Variants in CCDC30 observed in about 807,000 individuals in gnomAD.
CCDC30 encodes the protein coiled-coil domain containing 30.
A neutral mutation model predicts 100.2 loss-of-function variants in CCDC30; 70 were observed. That is an observed-to-expected ratio of 0.70 (90% CI 0.58 to 0.85). The LOEUF (loss-of-function observed/expected upper bound fraction) is 0.85. Ranked by LOEUF, CCDC30 falls within the 40% of genes least tolerant of loss-of-function variation. CCDC30 has a pLI of 0.00. For missense variants in CCDC30, 652 were observed against 771.2 expected (o/e 0.85, Z 1.83); for synonymous variants, 233 against 269.5 (o/e 0.86, Z 1.33).
At chr1:42,573,441 AATC>A (rs1645774081) in intron 7 of CCDC30, among the ~76,000 whole-genome samples, 1 of 152,168 alleles carries the variant, frequency 6.6e-6, no homozygotes, top group South Asian at 2.1e-4. Context: ...GAAAATATAT[AATC>A]ATTTTCTAAT....
intron 6 of CCDC30, among the ~76,000 whole-genome samples, chr1:42,511,566 G>A (rs887979090): frequency 5.3e-5 from 8 of 152,242 alleles, no homozygotes; most frequent in East Asian, 1.9e-4. Flanking sequence ...TTTTCCTGCC[G>A]ATGGGACAGT....
chr1:42,457,567 G>C, the CCDC30 span: 2 of 579,614 alleles, frequency 3.5e-6, no homozygotes, highest in South Asian at 4.1e-5. Context: ...CTCTAGTGGA[G>C]GTATGTACAA....
chr1:42,572,408 A>G (rs914000701), intron 7 of CCDC30, among the ~76,000 whole-genome samples: 4 of 152,180 alleles, frequency 2.6e-5, no homozygotes, highest in Non-Finnish European at 5.9e-5. Context: ...TTTTAAATAC[A>G]TGAACCCTTT....
chr1:42,476,891 T>G (rs1483343862), intron 1 of CCDC30, among the ~76,000 whole-genome samples: 11 of 85,646 alleles, frequency 1.3e-4, no homozygotes, highest in Admixed American at 9.3e-4. Context: ...AAGTTTTTTT[T>G]TTTGTTTTTT....
At chr1:42,625,712 G>A (rs557801608) in intron 11 of CCDC30, among the ~76,000 whole-genome samples, 9 of 152,008 alleles carry the variant, frequency 5.9e-5, no homozygotes, top group South Asian at 2.1e-4. Context: ...CAATATGGTC[G>A]GAGAAAATGC....
At chr1:42,569,329 C>T (rs936198226) in intron 7 of CCDC30, among the ~76,000 whole-genome samples, 7 of 152,100 alleles carry the variant, frequency 4.6e-5, no homozygotes, top group Non-Finnish European at 5.9e-5. Flanking sequence ...TATGAACAGA[C>T]GCTTCTCAAA....
chr1:42,456,503 G>C, the CCDC30 span: 15 of 1,423,312 alleles, frequency 1.1e-5, no homozygotes, highest in African/African-American at 1.5e-5. Context: ...ACACCAGGTA[G>C]GCGAGAAGGG....
Position 42,649,619 on chromosome 1 carries a change from G to C in CCDC30, c.1854+3302G>C, listed in dbSNP as rs1323532745. 2.0e-5 allele frequency among the ~76,000 whole-genome samples: 3 copies of C among 152,142 alleles called. 1 individual carries two copies. Among genetic ancestry groups the C allele is most frequent in the East Asian group, 3.8e-4 (2 of 5,202 alleles). On this transcript the variant is annotated intron_variant, in intron 15 of 16. Transcript: ENST00000668663. Reference sequence around the variant, plus strand: ...TGCCAGAGCAATTAGGCAAGAGAAAGAAATAAAAGGCATCCAAATAGGAAA... The same window carrying C: ...TGCCAGAGCAATTAGGCAAGAGAAACAAATAAAAGGCATCCAAATAGGAAA...
chr1:42,579,071 G>A (rs1469320050), intron 8 of CCDC30, among the ~76,000 whole-genome samples: 1 of 151,966 alleles, frequency 6.6e-6, no homozygotes, highest in Non-Finnish European at 1.5e-5. Flanking sequence ...GCTCACTGCA[G>A]CCTCTGCCTC....
At chr1:42,462,214 A>AG (rs936122606), upstream of CCDC30, among the ~76,000 whole-genome samples, 2 of 152,094 alleles carry the variant, frequency 1.3e-5, no homozygotes. Context: ...TAAAAATTCC[A>AG]GGGGGGTGGG....
At chr1:42,576,508 A>G (rs1214784018) in intron 7 of CCDC30, among the ~76,000 whole-genome samples, 1 of 152,240 alleles carries the variant, frequency 6.6e-6, no homozygotes, top group Non-Finnish European at 1.5e-5. Flanking sequence ...TGGCATTTCA[A>G]ATTATAGAAA....
Position 42,596,006 on chromosome 1 carries a change from A to T in CCDC30, c.1164+6523A>T, listed in dbSNP as rs1395374879. Among the ~76,000 whole-genome samples the T allele has an allele frequency of 6.6e-6, 1 of 152,220 alleles. No homozygotes were observed. The highest frequency in any genetic ancestry group is 2.4e-5 in the African/African-American group (1 of 41,464). ...TTGGAAGTTGTCACTGTGTCCTGAC[A>T]ACAAGTGAAATGCCAAACAAACTGA... On this transcript the variant is annotated intron_variant, in intron 10 of 16. Transcript: ENST00000668663. The surrounding 1 kb of genome is among the most constrained non-coding windows in gnomAD (Gnocchi z 4.3).
intron 6 of CCDC30, among the ~76,000 whole-genome samples, chr1:42,549,686 AAAATATTTGAGT>A (rs1226374131): frequency 6.6e-6 from 1 of 152,164 alleles, no homozygotes; most frequent in African/African-American, 2.4e-5. Flanking sequence ...AGGTACTCAC[AAAATATTTGAGT>A]AAATGAAAAT....
rs569445364 is a variant in CCDC30 at position 42,493,196 on chromosome 1, A to G, written c.241+2967A>G. On this transcript the variant is annotated intron_variant, in intron 4 of 16. Coordinates refer to ENST00000668663, the Ensembl canonical transcript of CCDC30. ...AGCAGAATAAGAACAATAAGAATAT[A>G]ATTAAATATAATAAGAATAAGAAGA... is the stretch of plus-strand genomic sequence containing the variant. Among the ~76,000 whole-genome samples, 6 of 152,164 alleles carry G rather than the reference A, an allele frequency of 3.9e-5. No individual in the cohort carries two copies. The South Asian group carries it at 1.2e-3, about 32-fold the overall frequency.
chr1:42,523,770 C>T (rs943534265), intron 6 of CCDC30, among the ~76,000 whole-genome samples: 1 of 152,118 alleles, frequency 6.6e-6, no homozygotes, highest in Non-Finnish European at 1.5e-5. Context: ...CACTTTTCTT[C>T]AATTTTGTTT....
Position 42,536,621 on chromosome 1 carries a change from T to C in CCDC30, c.457-29675T>C, listed in dbSNP as rs769832735. ...AGTGAGGTATTACCATTCAGGAAGC[T>C]GTTTTCTTCTTCTTGTAGTTCTAAT... On this transcript the variant is annotated intron_variant, in intron 6 of 16. Transcript: ENST00000668663. 2.0e-6 allele frequency: 3 copies of C among 1,487,526 alleles called. No homozygotes were observed. The highest frequency in any genetic ancestry group is 2.4e-5 in the South Asian group (2 of 84,936). The allele number at this position is 1,487,526 out of a possible 1,614,324, so 92.1% of individuals were successfully genotyped here.
At chr1:42,591,733 A>T (rs560109079) in intron 10 of CCDC30, 1 of 152,454 alleles carries the variant, frequency 6.6e-6, no homozygotes, top group South Asian at 2.1e-4. Context: ...TCCAGACTCC[A>T]GAATGGTAGA....
intron 15 of CCDC30, among the ~76,000 whole-genome samples, chr1:42,647,212 T>C (rs1647959355): frequency 6.6e-6 from 1 of 151,940 alleles, no homozygotes; most frequent in Non-Finnish European, 1.5e-5. Flanking sequence ...ATCTCATCTA[T>C]AAAGACACAC....
At chr1:42,488,747 T>C (rs989236391) in intron 3 of CCDC30, among the ~76,000 whole-genome samples, 1 of 152,220 alleles carries the variant, frequency 6.6e-6, no homozygotes, top group South Asian at 2.1e-4. Flanking sequence ...GAAATAGTTA[T>C]TTTTTTCAAA....
Sources: allele counts gnomAD v4.1 joint callset (sites outside exome capture counted in the v4.1 genomes callset), GRCh38; gene constraint gnomAD v4.1.1; non-coding constraint Gnocchi (gnomAD v3.1); transcripts MANE v1.5; gene names NCBI Gene and HGNC (gene_info 2026-07-23, HGNC 2026-07-21).